The following SAT1 variants were observed in gnomAD, a reference collection of about 807,000 sequenced individuals.
SAT1 encodes diamine acetyltransferase 1.
SAT1 carries 1 observed loss-of-function variant against 14.7 expected under a neutral mutation model. The observed-to-expected ratio is 0.07, with a 90% CI of 0.02 to 0.32. The LOEUF (loss-of-function observed/expected upper bound fraction) is 0.32. Among genes scored for constraint, SAT1 ranks in the 10% least tolerant of loss-of-function variants. The probability of loss-of-function intolerance (pLI) is 1.00; values close to 1 mark genes in which losing one functional copy is unlikely to be tolerated. For synonymous variants in SAT1, 67 were observed against 46.1 expected (o/e 1.45, Z -1.84); for missense variants, 77 against 129.1 (o/e 0.60, Z 1.96).
At position 23,785,341 on chromosome X, in the gene SAT1, T is replaced by G. The variant is rs750695278; in HGVS notation, c.216T>G (p.Val72=). The change falls in exon 4 of 6, where the codon GTT becomes GTG. Residue 72 remains valine (V), a synonymous_variant. Coordinates refer to ENST00000379270, the MANE Select transcript of SAT1 (RefSeq NM_002970.4). The stretch of plus-strand genomic sequence containing the variant: ...CTCTTATTACAGGACACAGCATTGT[T>G]GGTTTTGCCATGTACTATTTTACCT... ...EHWTPEGHSI[V]GFAMYYFTYD... is the part of the protein sequence containing the mutation. 1.7e-6 allele frequency: 2 copies of G among 1,199,534 alleles called. No individual in the cohort carries two copies. Among genetic ancestry groups the G allele is most frequent in the Admixed American group, 4.3e-5 (2 of 46,025 alleles).
chrX:23,783,801 T>C lies in SAT1; in HGVS notation c.120T>C (p.Asp40=), dbSNP rs372140138. 8.3e-6 allele frequency: 10 copies of C among 1,210,147 alleles called. No individual in the cohort carries two copies. The highest frequency in any genetic ancestry group is 1.1e-5 in the Non-Finnish European group (10 of 895,289). Residue 40 remains aspartate, a splice_region_variant and synonymous_variant, in exon 3 of 6, where the codon GAT becomes GAC. Coordinates refer to ENST00000379270, the MANE Select transcript of SAT1 (RefSeq NM_002970.4). ...CGCCCCTGCTCCCCCTTCTTGCAGA[T>C]CTGCTAGAAGATGGTTTTGGAGAGC... ...MEEQVILTEK[D]LLEDGFGEHP...
Position 23,785,368 on chromosome X carries a change from T to C in SAT1, c.243T>C (p.Tyr81=), listed in dbSNP as rs1483978557. 4.1e-6 allele frequency: 5 copies of C among 1,207,393 alleles called. No individual in the cohort carries two copies. In the African/African-American group the frequency reaches 7.0e-5, roughly 17 times the overall value. ...GTTTTGCCATGTACTATTTTACCTA[T>C]GACCCGTGGATTGGCAAGTTATTGT... is the stretch of plus-strand genomic sequence containing the variant. The part of the protein sequence containing the change: ...IVGFAMYYFT[Y]DPWIGKLLYL... The change falls in exon 4 of 6, where the codon TAT becomes TAC. Residue 81 remains tyrosine, a synonymous_variant. Coordinates refer to ENST00000379270, the MANE Select transcript of SAT1 (RefSeq NM_002970.4).
intron 3 of SAT1, chrX:23,784,352 A>G: frequency 1.2e-6 from 1 of 809,659 alleles, no homozygotes; most frequent in Non-Finnish European, 1.5e-6. Context: ...ATGGGCGGGG[A>G]GGTAACTAAA....
intron 1 of SAT1, 63 bp downstream of exon 1, chrX:23,783,480 G>C (rs1257197886): frequency 9.6e-7 from 1 of 1,046,454 alleles, no homozygotes; most frequent in Non-Finnish European, 1.3e-6. Context: ...TCCCAGAGTG[G>C]GGTGATTCAC....
chrX:23,785,772 T>G lies in SAT1; in HGVS notation c.432T>G (p.Gly144=). Residue 144 remains glycine (G), a synonymous_variant, in exon 6 of 6, where the codon GGT becomes GGG. Coordinates refer to ENST00000379270, the MANE Select transcript of SAT1 (RefSeq NM_002970.4). ...EPSINFYKRR[G]ASDLSSEEGW... ...CCATCAACTTCTATAAAAGAAGAGG[T>G]GCTTCTGATCTGTCCAGTGAAGAGG... 8.3e-6 allele frequency: 10 copies of G among 1,208,720 alleles called. No individual in the cohort carries two copies. The highest frequency in any genetic ancestry group is 3.5e-5 in the African/African-American group (2 of 57,669).
At chrX:23,784,089 T>G (rs1159601558) in intron 3 of SAT1, 1 of 1,102,965 alleles carries the variant, frequency 9.1e-7, no homozygotes, top group South Asian at 2.3e-5. Flanking sequence ...AAGAGCTGTT[T>G]AAGTAAGTAT....
Position 23,785,315 on chromosome X carries a change from G to C in SAT1, c.203-13G>C. 8.7e-7 allele frequency: 1 copy of C among 1,144,351 alleles called. No individual in the cohort carries two copies. The highest frequency in any genetic ancestry group is 1.2e-6 in the Non-Finnish European group (1 of 834,198). 94.3% of individuals were successfully genotyped at this position (1,144,351 alleles called of 1,213,427 possible). A position where few individuals can be genotyped will look rare whatever the true frequency, so the allele number is the denominator to read the frequency against. On this transcript the variant is annotated splice_polypyrimidine_tract_variant and intron_variant, in intron 3 of 5. Coordinates refer to ENST00000379270, the MANE Select transcript of SAT1 (RefSeq NM_002970.4). ...TTTCCTTCTCCACATCTCATGTGAT[G>C]CTCTTATTACAGGACACAGCATTGT...
At chrX:23,785,096 T>TC in intron 3 of SAT1, 1 of 412,927 alleles carries the variant, frequency 2.4e-6, no homozygotes, top group Non-Finnish European at 4.2e-6. Context: ...TAGCCTGACT[T>TC]CAGTGAGTTC....
Position 23,785,504 on chromosome X carries a change from T to C in SAT1, c.305-16T>C. On this transcript the variant is annotated splice_polypyrimidine_tract_variant and intron_variant, in intron 4 of 5. Transcript: ENST00000379270. The stretch of plus-strand genomic sequence containing the variant: ...ATGCTTACAATGACTTTTTAAATTG[T>C]ACTCTTTCTTTTTAGGCTTTGGCAT... The C allele has an allele frequency of 1.7e-6, 2 of 1,201,508 alleles. No individual in the cohort carries two copies.
chrX:23,784,134 G>GC (rs1184544949), intron 3 of SAT1: 3 of 1,047,746 alleles, frequency 2.9e-6, no homozygotes, highest in Non-Finnish European at 3.7e-6. Flanking sequence ...TGTTTAAGCT[G>GC]CTTAAGTAAG....
At chrX:23,784,791 G>A (rs1922656493) in intron 3 of SAT1, 1 of 113,114 alleles carries the variant, frequency 8.8e-6, no homozygotes, top group Admixed American at 9.4e-5. Context: ...AATGGGGAGA[G>A]CAAATTGAAA....
chrX:23,785,951 G>A lies in SAT1; in HGVS notation c.*95G>A, dbSNP rs1601857095. On this transcript the variant is annotated 3_prime_UTR_variant, in exon 6 of 6. Coordinates refer to ENST00000379270, the MANE Select transcript of SAT1 (RefSeq NM_002970.4). Reference sequence around the variant, plus strand: ...GCTGTTTGTAGTGAAATAATAGAATGAGCACCCATTCCAAAGCTTTATTAC... The same window carrying A: ...GCTGTTTGTAGTGAAATAATAGAATAAGCACCCATTCCAAAGCTTTATTAC... The A allele has an allele frequency of 1.3e-6, 1 of 769,078 alleles. No homozygotes were observed. The highest frequency in any genetic ancestry group is 3.5e-5 in the East Asian group (1 of 28,855). The allele number at this position is 769,078 out of a possible 1,213,427, so 63.4% of individuals were successfully genotyped here.
chrX:23,783,579 C>CCCAAACCA, intron 1 of SAT1, 79 bp from the exon 2 acceptor site: 2 of 770,296 alleles, frequency 2.6e-6, no homozygotes, highest in Non-Finnish European at 3.7e-6. Context: ...CCGCCCGCCC[C>CCCAAACCA]ATTCCGTTCC....
At chrX:23,785,200 A>T (rs973725671) in intron 3 of SAT1, 128 bp from the exon 4 acceptor site, 1 of 524,232 alleles carries the variant, frequency 1.9e-6, no homozygotes, top group Non-Finnish European at 3.4e-6. Context: ...TGAGACAGCC[A>T]TGGCTACTTG....
intron 5 of SAT1, 53 bp downstream of exon 5, chrX:23,785,613 T>A: frequency 8.4e-7 from 1 of 1,185,690 alleles, no homozygotes; most frequent in Non-Finnish European, 1.1e-6. Flanking sequence ...ATTATTTTAA[T>A]GATGGAATAA....
intron 1 of SAT1, 79 bp from the exon 2 acceptor site, chrX:23,783,579 C>CCAAAACAAA: frequency 3.9e-6 from 3 of 770,292 alleles, no homozygotes; most frequent in Non-Finnish European, 5.6e-6. Context: ...CCGCCCGCCC[C>CCAAAACAAA]ATTCCGTTCC....
Position 23,783,758 on chromosome X carries a change from C to T in SAT1, c.119-42C>T, listed in dbSNP as rs775545603. On this transcript the variant is annotated intron_variant, in intron 2 of 5. Coordinates refer to ENST00000379270, the MANE Select transcript of SAT1 (RefSeq NM_002970.4). ...GGGACAAGCGTTCGGTGCCTGTCAC[C>T]TTCGCCAAGGCCATTACCGCCCCTG... The T allele has an allele frequency of 5.8e-6, 7 of 1,208,760 alleles. No individual in the cohort carries two copies. In the African/African-American group the frequency reaches 1.0e-4, roughly 18 times the overall value.
chrX:23,783,578 C>CCCAAACCAAA, intron 1 of SAT1, 80 bp from the exon 2 acceptor site: 1 of 761,166 alleles, frequency 1.3e-6, no homozygotes, highest in Non-Finnish European at 1.9e-6. Context: ...CCCGCCCGCC[C>CCCAAACCAAA]CATTCCGTTC....
At chrX:23,784,151 T>C in intron 3 of SAT1, 1 of 984,972 alleles carries the variant, frequency 1.0e-6, no homozygotes, top group East Asian at 3.7e-5. Flanking sequence ...TAAGTATAAG[T>C]GCTGTGGAGA....
Sources: gnomAD v4.1 joint callset for allele counts on GRCh38, gnomAD v4.1.1 for gene constraint, MANE v1.5 for transcripts, NCBI Gene and HGNC (gene_info 2026-07-23, HGNC 2026-07-21) for gene names.